Variants in PHACTR2 observed in about 807,000 individuals in gnomAD.
PHACTR2 encodes the protein chromosome 6 open reading frame 56.
Under a neutral mutation model 76.0 loss-of-function variants are expected in PHACTR2, and 30 were observed. The observed-to-expected ratio is 0.39, with a 90% CI of 0.30 to 0.54. PHACTR2 has a LOEUF of 0.54. Ranked by LOEUF, PHACTR2 falls within the 20% of genes least tolerant of loss-of-function variation. The pLI, the probability that PHACTR2 is intolerant of heterozygous loss-of-function variation, is 0.61. For missense variants in PHACTR2, 696 were observed against 781.1 expected, an observed-to-expected ratio of 0.89 and a Z score of 1.30; for synonymous variants, 292 against 292.5, an observed-to-expected ratio of 1.00 and a Z score of 0.02.
rs1776569340 is a variant in PHACTR2, at chr6:143,641,889, A to G, written c.13+33567A>G. ...AGCAAATACAAGCAGCTGAGATGAA[A>G]TGGAGTTCTATATACATTTTTTCTC... is the stretch of plus-strand genomic sequence containing the variant. On this transcript the variant is annotated intron_variant, in intron 1 of 11. Coordinates refer to the PHACTR2 transcript ENST00000305766. The surrounding 1 kb of genome is among the most constrained non-coding windows in gnomAD (Gnocchi z 5.8). 6.6e-6 allele frequency among the ~76,000 whole-genome samples: 1 copy of G among 152,194 alleles called. No homozygotes were observed. Among genetic ancestry groups the G allele is most frequent in the South Asian group, 2.1e-4 (1 of 4,832 alleles).
At position 143,641,420 on chromosome 6, in the gene PHACTR2, G is replaced by GAC. The variant is rs1487300618; in HGVS notation, c.13+33098_13+33099insAC. Among the ~76,000 whole-genome samples the GAC allele has an allele frequency of 6.6e-6, 1 of 152,202 alleles. No individual in the cohort carries two copies. The highest frequency in any genetic ancestry group is 1.5e-5 in the Non-Finnish European group (1 of 68,040). The stretch of plus-strand genomic sequence containing the variant: ...TTCTCCTCCAGTGCCTTGAGAACGA[G>GAC]CACTGCCCTGCCAATTCCTGACTTC... On this transcript the variant is annotated intron_variant, in intron 1 of 11. Transcript: ENST00000305766. This position sits in a 1 kb window ranked among gnomAD's most constrained non-coding sequence, Gnocchi z 5.8.
At position 143,784,474 on chromosome 6, in the gene PHACTR2, A is replaced by G. The variant is rs1775505692; in HGVS notation, c.1707+1194A>G. Among the ~76,000 whole-genome samples the G allele has an allele frequency of 6.6e-6, 1 of 152,196 alleles. No individual in the cohort carries two copies. Among genetic ancestry groups the G allele is most frequent in the Non-Finnish European group, 1.5e-5 (1 of 68,030 alleles). Reference sequence around the variant, plus strand: ...AAAGTGACTAAAATGTGACATCTACATGAAGTGTGACCTGACCCACATTTT... The same window carrying G: ...AAAGTGACTAAAATGTGACATCTACGTGAAGTGTGACCTGACCCACATTTT... On this transcript the variant is annotated intron_variant, in intron 10 of 12. Transcript: ENST00000440869. This position sits in a 1 kb window ranked among gnomAD's most constrained non-coding sequence, Gnocchi z 4.5.
intron 1 of PHACTR2, among the ~76,000 whole-genome samples, chr6:143,692,656 A>C (rs986374584): frequency 6.6e-6 from 1 of 152,234 alleles, no homozygotes; most frequent in Admixed American, 6.5e-5. Flanking sequence ...AGAATGTTTT[A>C]ATTTAGGAAG....
In PHACTR2 at chr6:143,583,340, T is replaced by C. The variant is rs773427450; in HGVS notation, c.217+46133T>C. The stretch of plus-strand genomic sequence containing the variant: ...ACACATGCTAGCAGCAGTCCTCAGA[T>C]TGTTGCCCAGAACCGTTTACAATGA... On this transcript the variant is annotated intron_variant, in intron 1 of 11. Transcript: ENST00000367584. This position sits in a 1 kb window ranked among gnomAD's most constrained non-coding sequence, Gnocchi z 4.0. Among the ~76,000 whole-genome samples, 63 of 152,350 alleles carry C rather than the reference T, an allele frequency of 4.1e-4. No homozygotes were observed. Among genetic ancestry groups the C allele is most frequent in the Non-Finnish European group, 6.9e-4 (47 of 68,036 alleles).
In PHACTR2 at chr6:143,659,905, CA is replaced by C. The variant is rs1776917378; in HGVS notation, c.13+51586del. ...ACCAAATCAATTTTTAAACAAAAGA[CA>C]AAGGCCAGTAACATTAAAAGAGAAG... is the stretch of plus-strand genomic sequence containing the variant. On this transcript the variant is annotated intron_variant, in intron 1 of 11. Coordinates refer to the PHACTR2 transcript ENST00000305766. The surrounding 1 kb of genome is among the most constrained non-coding windows in gnomAD (Gnocchi z 5.0). Among the ~76,000 whole-genome samples, 1 of 152,102 alleles carries C rather than the reference CA, an allele frequency of 6.6e-6. No homozygotes were observed. Among genetic ancestry groups the C allele is most frequent in the Non-Finnish European group, 1.5e-5 (1 of 67,996 alleles).
At chr6:143,785,653 C>T (rs1322207952) in intron 10 of PHACTR2, among the ~76,000 whole-genome samples, 1 of 152,188 alleles carries the variant, frequency 6.6e-6, no homozygotes, top group South Asian at 2.1e-4. Flanking sequence ...CCACCCCACC[C>T]CCAACCCTGC....
intron 11 of PHACTR2, among the ~76,000 whole-genome samples, chr6:143,796,875 GT>G (rs1379544912): frequency 6.6e-6 from 1 of 152,148 alleles, no homozygotes; most frequent in Non-Finnish European, 1.5e-5. Flanking sequence ...AAACATACAT[GT>G]GCATGTGTCT....
At position 143,760,551 on chromosome 6, in the gene PHACTR2, C is replaced by T; in HGVS notation, c.605C>T (p.Pro202Leu). ...AGASHKGDEV[P>L]PIKKNTKAPG... is the part of the protein sequence containing the mutation. Reference sequence around the variant, plus strand: ...GCCAGCCACAAAGGTGATGAAGTGCCTCCCATTAAAAAAAATACCAAGGCT... The same window carrying T: ...GCCAGCCACAAAGGTGATGAAGTGCTTCCCATTAAAAAAAATACCAAGGCT... Residue 202 changes from proline to leucine, a missense_variant, in exon 5 of 13, where the codon CCT (proline) becomes CTT (leucine). Coordinates refer to ENST00000440869, the MANE Select transcript of PHACTR2 (RefSeq NM_001100164.2). This position sits in a 1 kb window ranked among gnomAD's most constrained non-coding sequence, Gnocchi z 6.4. 2 of 1,613,868 alleles carry T rather than the reference C, an allele frequency of 1.2e-6. No individual in the cohort carries two copies. Among genetic ancestry groups the T allele is most frequent in the Non-Finnish European group, 1.7e-6 (2 of 1,179,826 alleles).
intron 1 of PHACTR2, among the ~76,000 whole-genome samples, chr6:143,630,963 A>T (rs1048360766): frequency 9.9e-5 from 15 of 152,178 alleles, no homozygotes; most frequent in Non-Finnish European, 2.1e-4. Context: ...GAAGTGACAC[A>T]AACTGTAGCA....
chr6:143,561,171 T>C lies in PHACTR2; in HGVS notation c.217+23964T>C, dbSNP rs1183335027. ...GAAGATGCAGTAGGCACTGACCTTC[T>C]GACCTTGGCGGGATGCTTGAACCAT... On this transcript the variant is annotated intron_variant, in intron 1 of 11. Transcript: ENST00000367584. The surrounding 1 kb of genome is among the most constrained non-coding windows in gnomAD (Gnocchi z 4.1). 1 of 152,334 alleles carries C rather than the reference T, an allele frequency of 6.6e-6. No homozygotes were observed. The highest frequency in any genetic ancestry group is 1.9e-4 in the East Asian group (1 of 5,178). 9.4% of individuals were successfully genotyped at this position (152,334 alleles called of 1,614,324 possible).
At chr6:143,601,055 T>A (rs1224544393) in intron 1 of PHACTR2, among the ~76,000 whole-genome samples, 3 of 152,198 alleles carry the variant, frequency 2.0e-5, no homozygotes, top group African/African-American at 7.2e-5. Context: ...TCTTCATCTA[T>A]AAAATGGGAA....
At position 143,639,939 on chromosome 6, in the gene PHACTR2, TAAC is replaced by T. The variant is rs1015117335; in HGVS notation, c.13+31621_13+31623del. Among the ~76,000 whole-genome samples, 7 of 152,212 alleles carry T rather than the reference TAAC, an allele frequency of 4.6e-5. No individual in the cohort carries two copies. The highest frequency in any genetic ancestry group is 1.7e-4 in the African/African-American group (7 of 41,450). ...TCCAGAAGCTGGAGGAAGCAAGGAA[TAAC>T]AACTTGTTATTAATAGAGTCATGTG... is the stretch of plus-strand genomic sequence containing the variant. On this transcript the variant is annotated intron_variant, in intron 1 of 11. Coordinates refer to the PHACTR2 transcript ENST00000305766. This position sits in a 1 kb window ranked among gnomAD's most constrained non-coding sequence, Gnocchi z 5.0.
chr6:143,735,129 A>T (rs1436473729), intron 2 of PHACTR2, among the ~76,000 whole-genome samples: 1 of 152,214 alleles, frequency 6.6e-6, no homozygotes, highest in Admixed American at 6.5e-5. Context: ...ACCTAGGCTT[A>T]TAACACTTTT....
chr6:143,677,741 C>T (rs1224341435), upstream of PHACTR2, among the ~76,000 whole-genome samples: 2 of 152,222 alleles, frequency 1.3e-5, no homozygotes, highest in African/African-American at 2.4e-5. Flanking sequence ...CCGTAAGGAT[C>T]ATTTGACTTT....
intron 2 of PHACTR2, among the ~76,000 whole-genome samples, chr6:143,723,455 A>G (rs1039274781): frequency 3.9e-5 from 6 of 152,224 alleles, no homozygotes; most frequent in African/African-American, 1.2e-4. Context: ...AGGCAGGTCT[A>G]TGCAAGGCTG....
intron 4 of PHACTR2, among the ~76,000 whole-genome samples, chr6:143,756,661 T>G: frequency 6.9e-6 from 1 of 144,494 alleles, no homozygotes; most frequent in Non-Finnish European, 1.5e-5. Context: ...ATCGCACCAC[T>G]GCACTCCAGC....
At chr6:143,781,207 A>G (rs560243567) in intron 9 of PHACTR2, among the ~76,000 whole-genome samples, 1 of 152,324 alleles carries the variant, frequency 6.6e-6, no homozygotes, top group South Asian at 2.1e-4. Context: ...TACAATTTTG[A>G]ACATGGAAAA....
rs530978841 is a variant in PHACTR2, at chr6:143,653,215, C to T, written c.13+44893C>T. 5.9e-5 allele frequency among the ~76,000 whole-genome samples: 9 copies of T among 152,292 alleles called. No homozygotes were observed. The East Asian group carries it at 1.7e-3, about 29-fold the overall frequency. On this transcript the variant is annotated intron_variant, in intron 1 of 11. Coordinates refer to the PHACTR2 transcript ENST00000305766. The surrounding 1 kb of genome is among the most constrained non-coding windows in gnomAD (Gnocchi z 4.9). ...TCAGGAAGCAATTTGTGCATCGAGA[C>T]TCGAGCTGCTTTGGAGTTTCCCTCT...
intron 7 of PHACTR2, among the ~76,000 whole-genome samples, chr6:143,773,643 G>A (rs181093929): frequency 1.9e-3 from 293 of 152,258 alleles, no homozygotes; most frequent in African/African-American, 5.5e-3. Flanking sequence ...CCAGGATGGC[G>A]TCTGAGTAGA....
Sources: allele counts gnomAD v4.1 joint callset (sites outside exome capture counted in the v4.1 genomes callset), GRCh38; gene constraint gnomAD v4.1.1; non-coding constraint Gnocchi (gnomAD v3.1); transcripts MANE v1.5; gene names NCBI Gene and HGNC (gene_info 2026-07-23, HGNC 2026-07-21).